The following TMEM240 variants were observed in gnomAD, a reference collection of about 807,000 sequenced individuals.
TMEM240 encodes transmembrane protein 240.
In TMEM240, 3 loss-of-function variants were observed where a neutral mutation model predicts 19.5. The ratio of observed to expected loss-of-function variants is 0.15; its 90% confidence interval spans 0.07 to 0.40. The LOEUF is 0.40. Among genes scored for constraint, TMEM240 ranks in the 10% least tolerant of loss-of-function variants. The pLI, the probability that TMEM240 is intolerant of heterozygous loss-of-function variation, is 1.00. For missense variants in TMEM240, 210 were observed against 253.5 expected, an observed-to-expected ratio of 0.83 and a Z score of 1.17; for synonymous variants, 123 against 109.3, an observed-to-expected ratio of 1.13 and a Z score of -0.78.
Position 1,536,488 on chromosome 1 carries a change from G to A in TMEM240, c.165-691C>T, listed in dbSNP as rs1209885984. Among the ~76,000 whole-genome samples, 4 of 152,180 alleles carry A rather than the reference G, an allele frequency of 2.6e-5. No homozygotes were observed. The highest frequency in any genetic ancestry group is 4.1e-4 in the South Asian group (2 of 4,838). On this transcript the variant is annotated intron_variant, in intron 2 of 3. Coordinates refer to ENST00000378733, the MANE Select transcript of TMEM240 (RefSeq NM_001114748.2). The surrounding 1 kb of genome is among the most constrained non-coding windows in gnomAD (Gnocchi z 5.4). ...CCGCCCCGCTCCTCTCAGGATGGAC[G>A]GCGTCCAGGCTCCAGGGCCCTTTCG... is the stretch of plus-strand genomic sequence containing the variant.
chr1:1,535,258 G>T lies in TMEM240; in HGVS notation c.*101C>A. 1 of 1,373,790 alleles carries T rather than the reference G, an allele frequency of 7.3e-7. No individual in the cohort carries two copies. The highest frequency in any genetic ancestry group is 9.8e-7 in the Non-Finnish European group (1 of 1,023,208). 85.1% of individuals were successfully genotyped at this position (1,373,790 alleles called of 1,614,324 possible). On this transcript the variant is annotated 3_prime_UTR_variant, in exon 4 of 4. Transcript: ENST00000378733. The surrounding 1 kb of genome is among the most constrained non-coding windows in gnomAD (Gnocchi z 8.2). The stretch of plus-strand genomic sequence containing the variant: ...CACAGCCCCGGACAACCTGGGCCCA[G>T]GGCTGCTGTCCAGTCCCGCCGGCCC...
In TMEM240 at chr1:1,536,415, C is replaced by T. The variant is rs1484898246; in HGVS notation, c.165-618G>A. ...ACGGGGGCTCTACCCAGCACCCCAT[C>T]CTCTCCCCTTCCTGGGGGACGCCCC... On this transcript the variant is annotated intron_variant, in intron 2 of 3. Transcript: ENST00000378733. This position sits in a 1 kb window ranked among gnomAD's most constrained non-coding sequence, Gnocchi z 5.4. Among the ~76,000 whole-genome samples, 1 of 152,198 alleles carries T rather than the reference C, an allele frequency of 6.6e-6. No individual in the cohort carries two copies. The highest frequency in any genetic ancestry group is 1.9e-4 in the East Asian group (1 of 5,198).
rs1642189707 is a variant in TMEM240 at position 1,535,130 on chromosome 1, C to A, written c.*229G>T. 4.3e-6 allele frequency: 2 copies of A among 464,034 alleles called. No homozygotes were observed. The highest frequency in any genetic ancestry group is 3.9e-5 in the East Asian group (1 of 25,698). 28.7% of individuals were successfully genotyped at this position (464,034 alleles called of 1,614,324 possible). On this transcript the variant is annotated 3_prime_UTR_variant, in exon 4 of 4. Transcript: ENST00000378733. This position sits in a 1 kb window ranked among gnomAD's most constrained non-coding sequence, Gnocchi z 8.2. ...GAGTCCGCCCTTGTGTCCTGCCCCC[C>A]AACTGCAGGGTCTCCCCTAACCCAA...
Position 1,535,065 on chromosome 1 carries a change from C to CCCCCCAGGACCCTCCCTGT in TMEM240, c.*293_*294insACAGGGAGGGTCCTGGGGG, listed in dbSNP as rs1439097630. On this transcript the variant is annotated 3_prime_UTR_variant, in exon 4 of 4. Transcript: ENST00000378733. This position sits in a 1 kb window ranked among gnomAD's most constrained non-coding sequence, Gnocchi z 8.2. ...CACCTGCCCCCCAGGACCCTCCCTG[C>CCCCCCAGGACCCTCCCTGT]CCCCCAGGACCCTCCCTGCCCCCCA... 3.0e-5 allele frequency: 5 copies of CCCCCCAGGACCCTCCCTGT among 166,180 alleles called. No individual in the cohort carries two copies. In the Admixed American group the frequency reaches 3.4e-4, roughly 11 times the overall value. The allele number at this position is 166,180 out of a possible 1,614,324, so 10.3% of individuals were successfully genotyped here.
In TMEM240 at chr1:1,535,005, C is replaced by A. The variant is rs1642182862; in HGVS notation, c.*354G>T. Among the ~76,000 whole-genome samples the A allele has an allele frequency of 6.6e-6, 1 of 150,474 alleles. No homozygotes were observed. Among genetic ancestry groups the A allele is most frequent in the South Asian group, 2.1e-4 (1 of 4,764 alleles). On this transcript the variant is annotated 3_prime_UTR_variant, in exon 4 of 4. Transcript: ENST00000378733. This position sits in a 1 kb window ranked among gnomAD's most constrained non-coding sequence, Gnocchi z 8.2. ...GGGAAACAGCGCCTTCAAACAGATG[C>A]TGGCCCGGGCCGCGCGCCTCGCCGC...
At chr1:1,539,368 C>T in intron 2 of TMEM240, 1 of 384,628 alleles carries the variant, frequency 2.6e-6, no homozygotes, top group Non-Finnish European at 4.8e-6. Context: ...CTGCCCCAGC[C>T]CTGATGAGGC....
intron 1 of TMEM240, among the ~76,000 whole-genome samples, 162 bp downstream of exon 1, chr1:1,540,128 G>T (rs562948092): frequency 9.5e-6 from 1 of 104,756 alleles, no homozygotes; most frequent in African/African-American, 3.8e-5. Flanking sequence ...AGGCCGGGGT[G>T]GGGGAGCGCA....
Position 1,536,469 on chromosome 1 carries a change from C to T in TMEM240, c.165-672G>A, listed in dbSNP as rs955573536. 3.9e-5 allele frequency among the ~76,000 whole-genome samples: 6 copies of T among 152,216 alleles called. No individual in the cohort carries two copies. The highest frequency in any genetic ancestry group is 1.2e-4 in the African/African-American group (5 of 41,456). On this transcript the variant is annotated intron_variant, in intron 2 of 3. Coordinates refer to ENST00000378733, the MANE Select transcript of TMEM240 (RefSeq NM_001114748.2). The surrounding 1 kb of genome is among the most constrained non-coding windows in gnomAD (Gnocchi z 5.4). ...GCCCTTGCCTGGCACAGACCCGCCC[C>T]GCTCCTCTCAGGATGGACGGCGTCC...
chr1:1,536,479 A>G lies in TMEM240; in HGVS notation c.165-682T>C, dbSNP rs1642223923. Among the ~76,000 whole-genome samples the G allele has an allele frequency of 6.6e-6, 1 of 152,120 alleles. No homozygotes were observed. Among genetic ancestry groups the G allele is most frequent in the Non-Finnish European group, 1.5e-5 (1 of 67,986 alleles). ...GGCACAGACCCGCCCCGCTCCTCTC[A>G]GGATGGACGGCGTCCAGGCTCCAGG... On this transcript the variant is annotated intron_variant, in intron 2 of 3. Coordinates refer to ENST00000378733, the MANE Select transcript of TMEM240 (RefSeq NM_001114748.2). The surrounding 1 kb of genome is among the most constrained non-coding windows in gnomAD (Gnocchi z 5.4).
chr1:1,540,559 C>T lies in TMEM240; in HGVS notation c.-213G>A. On this transcript the variant is annotated 5_prime_UTR_variant, in exon 1 of 4. Coordinates refer to ENST00000378733, the MANE Select transcript of TMEM240 (RefSeq NM_001114748.2). ...GCGGGGCCTTTCTGGGGTCTCTCGG[C>T]CCGGCCCGCCGCGCTCCGCTCCGCC... 1.2e-5 allele frequency: 2 copies of T among 165,916 alleles called. No individual in the cohort carries two copies. The highest frequency in any genetic ancestry group is 6.3e-5 in the Admixed American group (1 of 15,820). 10.3% of individuals were successfully genotyped at this position (165,916 alleles called of 1,614,324 possible).
Position 1,535,182 on chromosome 1 carries a change from C to T in TMEM240, c.*177G>A. 1.4e-6 allele frequency: 1 copy of T among 690,376 alleles called. No individual in the cohort carries two copies. The highest frequency in any genetic ancestry group is 2.0e-5 in the South Asian group (1 of 49,264). The allele number at this position is 690,376 out of a possible 1,614,324, so 42.8% of individuals were successfully genotyped here. ...CCCCACCCTAGCCCACACCCCAACC[C>T]CCTTTATAAAAAGAAGAGACAGCAC... On this transcript the variant is annotated 3_prime_UTR_variant, in exon 4 of 4. Transcript: ENST00000378733. The surrounding 1 kb of genome is among the most constrained non-coding windows in gnomAD (Gnocchi z 8.2).
At position 1,540,397 on chromosome 1, in the gene TMEM240, C is replaced by T. The variant is rs1321045639; in HGVS notation, c.-51G>A. Reference sequence around the variant, plus strand: ...CGCCGCCCCCCGGCCCCGGCGCCCCCCCGGCCCCGGCCCGATGCTGAGCCC... The same window carrying T: ...CGCCGCCCCCCGGCCCCGGCGCCCCTCCGGCCCCGGCCCGATGCTGAGCCC... On this transcript the variant is annotated 5_prime_UTR_variant, in exon 1 of 4. Coordinates refer to ENST00000378733, the MANE Select transcript of TMEM240 (RefSeq NM_001114748.2). 11 of 841,618 alleles carry T rather than the reference C, an allele frequency of 1.3e-5. No homozygotes were observed. Among genetic ancestry groups the T allele is most frequent in the East Asian group, 6.2e-5 (1 of 16,030 alleles). The allele number at this position is 841,618 out of a possible 1,614,324, so 52.1% of individuals were successfully genotyped here. A position where few individuals can be genotyped will look rare whatever the true frequency, so the allele number is the denominator to read the frequency against.
chr1:1,535,870 G>T lies in TMEM240; in HGVS notation c.165-73C>A. The T allele has an allele frequency of 7.3e-7, 1 of 1,363,388 alleles. No homozygotes were observed. The highest frequency in any genetic ancestry group is 1.0e-6 in the Non-Finnish European group (1 of 981,960). The allele number at this position is 1,363,388 out of a possible 1,614,324, so 84.5% of individuals were successfully genotyped here. A position where few individuals can be genotyped will look rare whatever the true frequency, so the allele number is the denominator to read the frequency against. ...GGCCTTCCCCCGGGGCGCCTACCCC[G>T]TGGTGGGGGTGTGACCGCGTCAGGC... On this transcript the variant is annotated intron_variant, in intron 2 of 3. Transcript: ENST00000378733. This position sits in a 1 kb window ranked among gnomAD's most constrained non-coding sequence, Gnocchi z 8.2.
chr1:1,538,869 G>A (rs1348110350), intron 2 of TMEM240, among the ~76,000 whole-genome samples: 1 of 152,194 alleles, frequency 6.6e-6, no homozygotes, highest in South Asian at 2.1e-4. Context: ...TGCCCCCTTT[G>A]TCCTTCACTA....
At chr1:1,539,018 A>C (rs907366178) in intron 2 of TMEM240, 1 of 152,676 alleles carries the variant, frequency 6.5e-6, no homozygotes, top group African/African-American at 2.4e-5. Flanking sequence ...GGCTGTGTGT[A>C]CGCACATGTA....
chr1:1,535,195 G>A lies in TMEM240; in HGVS notation c.*164C>T, dbSNP rs1256104071. The A allele has an allele frequency of 3.2e-5, 10 of 312,770 alleles. No homozygotes were observed. The highest frequency in any genetic ancestry group is 8.3e-5 in the South Asian group (2 of 24,006). The allele number at this position is 312,770 out of a possible 1,614,324, so 19.4% of individuals were successfully genotyped here. ...CACACCCCAACCCCCTTTATAAAAA[G>A]AAGAGACAGCACCTTCCACTGGACT... On this transcript the variant is annotated 3_prime_UTR_variant, in exon 4 of 4. Coordinates refer to ENST00000378733, the MANE Select transcript of TMEM240 (RefSeq NM_001114748.2). The surrounding 1 kb of genome is among the most constrained non-coding windows in gnomAD (Gnocchi z 8.2).
At chr1:1,539,642 G>A (rs1448532686) in intron 2 of TMEM240, 42 bp downstream of exon 2, 1 of 1,516,902 alleles carries the variant, frequency 6.6e-7, no homozygotes, top group South Asian at 1.2e-5. Flanking sequence ...CGCCACACAT[G>A]TGCGCTCACG....
At chr1:1,537,928 C>A (rs1642247461) in intron 2 of TMEM240, among the ~76,000 whole-genome samples, 1 of 152,214 alleles carries the variant, frequency 6.6e-6, no homozygotes. Context: ...GATTTCCATA[C>A]ACGTTCTCCA....
intron 1 of TMEM240, among the ~76,000 whole-genome samples, 199 bp from the exon 2 acceptor site, chr1:1,539,989 TG>T (rs1557491140): frequency 1.4e-4 from 1 of 6,958 alleles, no homozygotes; most frequent in Non-Finnish European, 2.6e-4. Context: ...CAGGCCGGGG[TG>T]GGGGGAGCGC....
Sources: allele counts gnomAD v4.1 joint callset (sites outside exome capture counted in the v4.1 genomes callset), GRCh38; gene constraint gnomAD v4.1.1; non-coding constraint Gnocchi (gnomAD v3.1); transcripts MANE v1.5; gene names NCBI Gene and HGNC (gene_info 2026-07-23, HGNC 2026-07-21).